HAPLN4: variants seen among roughly 807,000 people sequenced by gnomAD.
The protein encoded by HAPLN4 is brain link protein 2.
In HAPLN4, 19 loss-of-function variants were observed where a neutral mutation model predicts 28.0. That is an observed-to-expected ratio of 0.68 (90% CI 0.47 to 1.00). HAPLN4 has a LOEUF of 1.00. HAPLN4 is among the 50% of genes least tolerant of loss of function. HAPLN4 has a pLI of 0.00. For missense variants in HAPLN4, 587 were observed against 602.6 expected, an observed-to-expected ratio of 0.97 and a Z score of 0.27; for synonymous variants, 274 against 273.0, an observed-to-expected ratio of 1.00 and a Z score of -0.03.
At chr19:19,259,978 T>G (rs189865474) in intron 3 of HAPLN4, among the ~76,000 whole-genome samples, 1 of 152,310 alleles carries the variant, frequency 6.6e-6, no homozygotes, top group East Asian at 1.9e-4. Context: ...GGACTCTAGC[T>G]GCTGCTCCTA....
At chr19:19,259,814 G>A (rs1388577917) in intron 3 of HAPLN4, among the ~76,000 whole-genome samples, 1 of 152,158 alleles carries the variant, frequency 6.6e-6, no homozygotes, top group African/African-American at 2.4e-5. Context: ...AAAGAGAACT[G>A]GAAAAGGCCA....
intron 1 of HAPLN4, chr19:19,261,807 C>T: frequency 2.3e-6 from 1 of 442,704 alleles, no homozygotes. Flanking sequence ...GCCTCATTCC[C>T]CCCCACCCCA....
At chr19:19,261,770 C>T (rs895227017) in intron 1 of HAPLN4, 9 of 503,948 alleles carry the variant, frequency 1.8e-5, no homozygotes, top group South Asian at 5.5e-5. Context: ...TAGACTCCCC[C>T]CCGCCCTCAG....
Position 19,257,811 on chromosome 19 carries a change from C to T in HAPLN4, c.*6G>A. Reference sequence around the variant, plus strand: ...CAAGCGCCCTGGCTGTCCGCCTACTCCCAGCCTAGACGTGCAGAGGGGTCC... The same window carrying T: ...CAAGCGCCCTGGCTGTCCGCCTACTTCCAGCCTAGACGTGCAGAGGGGTCC... On this transcript the variant is annotated 3_prime_UTR_variant, in exon 5 of 5. Coordinates refer to ENST00000291481, the MANE Select transcript of HAPLN4 (RefSeq NM_023002.3). 1 of 1,396,402 alleles carries T rather than the reference C, an allele frequency of 7.2e-7. No homozygotes were observed. Among genetic ancestry groups the T allele is most frequent in the South Asian group, 1.7e-5 (1 of 57,944 alleles). The allele number at this position is 1,396,402 out of a possible 1,614,324, so 86.5% of individuals were successfully genotyped here.
Position 19,257,843 on chromosome 19 carries a change from C to A in HAPLN4, c.1183G>T (p.Ala395Ser). 1 of 1,414,210 alleles carries A rather than the reference C, an allele frequency of 7.1e-7. No homozygotes were observed. The allele number at this position is 1,414,210 out of a possible 1,614,324, so 87.6% of individuals were successfully genotyped here. The change falls in exon 5 of 5, where the codon GCT becomes TCT. Residue 395 changes from alanine (A) to serine (S), a missense_variant. Transcript: ENST00000291481. Reference sequence around the variant, plus strand: ...TAGACGTGCAGAGGGGTCCAGGCAGCAGGATCGCGCGCGCCCCCTGCCCAG... The same window carrying A: ...TAGACGTGCAGAGGGGTCCAGGCAGAAGGATCGCGCGCGCCCCCTGCCCAG... ...GGWAGGARDP[A>S]AWTPLHV
At position 19,258,009 on chromosome 19, in the gene HAPLN4, GC is replaced by G; in HGVS notation, c.1016del (p.Cys339SerfsTer167). 1 of 1,516,892 alleles carries G rather than the reference GC, an allele frequency of 6.6e-7. No homozygotes were observed. Among genetic ancestry groups the G allele is most frequent in the Non-Finnish European group, 8.8e-7 (1 of 1,138,568 alleles). 94.0% of individuals were successfully genotyped at this position (1,516,892 alleles called of 1,614,324 possible). ...RYPIVNPRAR[C>X]GGRRPGVRSL... ...TGCGCACACCAGGCCTGCGGCCTCC[GC>G]AGCGCGCTCGCGGGTTCACGATGGG... On this transcript the variant is annotated frameshift_variant, in exon 5 of 5. Coordinates refer to ENST00000291481, the MANE Select transcript of HAPLN4 (RefSeq NM_023002.3). LOFTEE classifies it low-confidence loss of function (END_TRUNC). This position sits in a 1 kb window ranked among gnomAD's most constrained non-coding sequence, Gnocchi z 6.2.
Position 19,258,332 on chromosome 19 carries a change from G to T in HAPLN4, c.818-124C>A, listed in dbSNP as rs2146569163. The T allele has an allele frequency of 8.2e-7, 1 of 1,217,004 alleles. No homozygotes were observed. 75.4% of individuals were successfully genotyped at this position (1,217,004 alleles called of 1,614,324 possible). On this transcript the variant is annotated intron_variant, in intron 4 of 4. Transcript: ENST00000291481. The surrounding 1 kb of genome is among the most constrained non-coding windows in gnomAD (Gnocchi z 6.2). ...GCCTCGGCCCCGGGATCCAGGAACA[G>T]TTCCTCCTTTGCAGCCTGGGACCCC...
chr19:19,261,998 G>C (rs1365871688), intron 1 of HAPLN4, among the ~76,000 whole-genome samples: 1 of 152,088 alleles, frequency 6.6e-6, no homozygotes, highest in Non-Finnish European at 1.5e-5. Flanking sequence ...GAGACGCGGG[G>C]AGAGAACAGG....
rs372359274 is a variant in HAPLN4 at position 19,260,901 on chromosome 19, G to A, written c.396C>T (p.Asn132=). The change falls in exon 3 of 5, where the codon AAC becomes AAT. Residue 132 remains asparagine (N), a synonymous_variant. Coordinates refer to ENST00000291481, the MANE Select transcript of HAPLN4 (RefSeq NM_023002.3). ...GPGDASLVLR[N]VTLQDYGRYE... The stretch of plus-strand genomic sequence containing the variant: ...AGCGCCCGTAGTCTTGCAGCGTGAC[G>A]TTGCGGAGGACCAGGGAGGCATCCC... 2 of 1,614,122 alleles carry A rather than the reference G, an allele frequency of 1.2e-6. No individual in the cohort carries two copies. Among genetic ancestry groups the A allele is most frequent in the African/African-American group, 1.3e-5 (1 of 75,072 alleles).
chr19:19,259,792 C>G (rs1300628884), intron 3 of HAPLN4, among the ~76,000 whole-genome samples: 1 of 152,112 alleles, frequency 6.6e-6, no homozygotes, highest in African/African-American at 2.4e-5. Context: ...GAAATCTCAC[C>G]TAGAATCTTC....
In HAPLN4 at chr19:19,257,886, GC is replaced by G; in HGVS notation, c.1139del (p.Gly380AlafsTer126). On this transcript the variant is annotated frameshift_variant, in exon 5 of 5. Transcript: ENST00000291481. LOFTEE classifies it high-confidence loss of function. ...PDPAPGGWGW[G>X]WAGGGGWAGG... The stretch of plus-strand genomic sequence containing the variant: ...CTGCCCAGCCGCCGCCGCCCGCCCA[GC>G]CCCAGCCCCAGCCGCCAGGTGCCGG... 1 of 1,476,924 alleles carries G rather than the reference GC, an allele frequency of 6.8e-7. No individual in the cohort carries two copies. Among genetic ancestry groups the G allele is most frequent in the Non-Finnish European group, 8.9e-7 (1 of 1,121,386 alleles). The allele number at this position is 1,476,924 out of a possible 1,614,324, so 91.5% of individuals were successfully genotyped here. A position where few individuals can be genotyped will look rare whatever the true frequency, so the allele number is the denominator to read the frequency against.
chr19:19,262,702 C>T (rs779724048), intron 1 of HAPLN4, 28 bp downstream of exon 1: 6 of 1,611,952 alleles, frequency 3.7e-6, no homozygotes, highest in Non-Finnish European at 1.7e-6. Context: ...ACGGGGCACA[C>T]ACCACCCGCG....
In HAPLN4 at chr19:19,258,217, G is replaced by T. The variant is rs750665857; in HGVS notation, c.818-9C>A. On this transcript the variant is annotated splice_polypyrimidine_tract_variant and intron_variant, in intron 4 of 4. Transcript: ENST00000291481. The surrounding 1 kb of genome is among the most constrained non-coding windows in gnomAD (Gnocchi z 6.2). ...CAGGAAGAACACGCGCCCTGCGGGG[G>T]TGAGGTGGGGGGTGGGTTATTAGTG... is the stretch of plus-strand genomic sequence containing the variant. 106 of 1,477,202 alleles carry T rather than the reference G, an allele frequency of 7.2e-5. No individual in the cohort carries two copies. The highest frequency in any genetic ancestry group is 9.1e-5 in the Non-Finnish European group (102 of 1,115,158). The allele number at this position is 1,477,202 out of a possible 1,614,324, so 91.5% of individuals were successfully genotyped here. A position where few individuals can be genotyped will look rare whatever the true frequency, so the allele number is the denominator to read the frequency against.
In HAPLN4 at chr19:19,262,761, C is replaced by G. The variant is rs1322375890; in HGVS notation, c.-29G>C. 9.9e-6 allele frequency: 16 copies of G among 1,608,232 alleles called. No homozygotes were observed. Among genetic ancestry groups the G allele is most frequent in the Non-Finnish European group, 1.4e-5 (16 of 1,177,290 alleles). Reference sequence around the variant, plus strand: ...GCCCGCGCGGCCCCCGCCGAGCGGCCCCTACGCACCCGGACTGCGCTCCCC... The same window carrying G: ...GCCCGCGCGGCCCCCGCCGAGCGGCGCCTACGCACCCGGACTGCGCTCCCC... On this transcript the variant is annotated 5_prime_UTR_variant, in exon 1 of 5. Coordinates refer to ENST00000291481, the MANE Select transcript of HAPLN4 (RefSeq NM_023002.3).
At position 19,258,307 on chromosome 19, in the gene HAPLN4, G is replaced by C. The variant is rs921564181; in HGVS notation, c.818-99C>G. 227 of 1,298,370 alleles carry C rather than the reference G, an allele frequency of 1.7e-4. 1 individual carries two copies. Among genetic ancestry groups the C allele is most frequent in the Non-Finnish European group, 3.5e-5 (34 of 972,206 alleles). The allele number at this position is 1,298,370 out of a possible 1,614,324, so 80.4% of individuals were successfully genotyped here. A position where few individuals can be genotyped will look rare whatever the true frequency, so the allele number is the denominator to read the frequency against. ...CCCCCGCATGCAGCCTAGGACTCTGGCCTCGGCCCCGGGATCCAGGAACAG... is the reference window on the plus strand; with the variant it reads ...CCCCCGCATGCAGCCTAGGACTCTGCCCTCGGCCCCGGGATCCAGGAACAG... On this transcript the variant is annotated intron_variant, in intron 4 of 4. Coordinates refer to ENST00000291481, the MANE Select transcript of HAPLN4 (RefSeq NM_023002.3). The surrounding 1 kb of genome is among the most constrained non-coding windows in gnomAD (Gnocchi z 6.2).
intron 3 of HAPLN4, among the ~76,000 whole-genome samples, chr19:19,259,397 G>A (rs1282691526): frequency 2.0e-5 from 3 of 152,162 alleles, no homozygotes; most frequent in Non-Finnish European, 4.4e-5. Flanking sequence ...GATGACTTTG[G>A]AACTTGTCCC....
chr19:19,257,642 G>T lies in HAPLN4; in HGVS notation c.*175C>A. Reference sequence around the variant, plus strand: ...TGGCCAGGCTCCAGGGAACTCCAAAGTACTGTTCTGCCAGGACTAGCCAGT... The same window carrying T: ...TGGCCAGGCTCCAGGGAACTCCAAATTACTGTTCTGCCAGGACTAGCCAGT... On this transcript the variant is annotated 3_prime_UTR_variant, in exon 5 of 5. Coordinates refer to ENST00000291481, the MANE Select transcript of HAPLN4 (RefSeq NM_023002.3). 1 of 692,550 alleles carries T rather than the reference G, an allele frequency of 1.4e-6. No individual in the cohort carries two copies. Among genetic ancestry groups the T allele is most frequent in the Non-Finnish European group, 2.1e-6 (1 of 486,726 alleles). 42.9% of individuals were successfully genotyped at this position (692,550 alleles called of 1,614,324 possible).
Position 19,258,822 on chromosome 19 carries a change from CGGCCTCCACG to C in HAPLN4, c.508_517del (p.Arg170AspfsTer4). 6.3e-7 allele frequency: 1 copy of C among 1,579,658 alleles called. No individual in the cohort carries two copies. The highest frequency in any genetic ancestry group is 8.6e-7 in the Non-Finnish European group (1 of 1,162,230). ...CGCCTCCGCGAAGGTCAGCTTGTAT[CGGCCTCCACG>C]GGGGTGGTAGGGAAAGACCACGCCT... is the stretch of plus-strand genomic sequence containing the variant. On this transcript the variant is annotated frameshift_variant, in exon 4 of 5. Transcript: ENST00000291481. LOFTEE classifies it high-confidence loss of function. The surrounding 1 kb of genome is among the most constrained non-coding windows in gnomAD (Gnocchi z 6.2).
chr19:19,261,186 C>T lies in HAPLN4; in HGVS notation c.122-11G>A. On this transcript the variant is annotated splice_polypyrimidine_tract_variant and intron_variant, in intron 2 of 4. Transcript: ENST00000291481. The stretch of plus-strand genomic sequence containing the variant: ...AGCCCGACTCACCCTCTGAGGACAA[C>T]CAAGCAGGGTTCAGAGGAGGGGCCT... 1 of 1,586,580 alleles carries T rather than the reference C, an allele frequency of 6.3e-7. No homozygotes were observed. Among genetic ancestry groups the T allele is most frequent in the Non-Finnish European group, 8.6e-7 (1 of 1,163,590 alleles).
Sources: gnomAD v4.1 joint callset for allele counts (sites outside exome capture counted in the v4.1 genomes callset) on GRCh38, gnomAD v4.1.1 for gene constraint, Gnocchi (gnomAD v3.1) non-coding constraint, MANE v1.5 for transcripts, NCBI Gene and HGNC (gene_info 2026-07-23, HGNC 2026-07-21) for gene names.